AGPAT2: variants seen among roughly 807,000 people sequenced by gnomAD.
AGPAT2 encodes 1-acyl-sn-glycerol-3-phosphate acyltransferase beta.
Under a neutral mutation model 26.1 loss-of-function variants are expected in AGPAT2, and 18 were observed. The ratio of observed to expected loss-of-function variants is 0.69; its 90% CI spans 0.48 to 1.02. The LOEUF (loss-of-function observed/expected upper bound fraction) is 1.02, where lower values mean the gene tolerates loss of function less well. Ranked by LOEUF, AGPAT2 falls within the 50% of genes least tolerant of loss-of-function variation. AGPAT2 has a pLI of 0.00. For missense variants in AGPAT2, 415 were observed against 394.9 expected (o/e 1.05, Z -0.43); for synonymous variants, 200 against 174.2 (o/e 1.15, Z -1.16).
At chr9:136,677,642 G>C (rs1239490246) in intron 1 of AGPAT2, 86 bp from the exon 2 acceptor site, 4 of 1,530,508 alleles carry the variant, frequency 2.6e-6, no homozygotes, top group Non-Finnish European at 3.6e-6. Flanking sequence ...GGGTGTGGAG[G>C]AGGCTGGGGA....
At chr9:136,680,603 A>C (rs752807640) in intron 1 of AGPAT2, among the ~76,000 whole-genome samples, 1 of 152,208 alleles carries the variant, frequency 6.6e-6, no homozygotes, top group Non-Finnish European at 1.5e-5. Context: ...TGAGGGCCAC[A>C]TGGGGTCCCC....
At chr9:136,677,160 A>G in intron 2 of AGPAT2, 24 bp from the exon 3 acceptor site, 1 of 1,609,842 alleles carries the variant, frequency 6.2e-7, no homozygotes, top group Non-Finnish European at 8.5e-7. Context: ...AGACAGAGAC[A>G]GAGAGAGAGG....
At chr9:136,679,692 C>T (rs989052733) in intron 1 of AGPAT2, among the ~76,000 whole-genome samples, 9 of 152,228 alleles carry the variant, frequency 5.9e-5, no homozygotes, top group African/African-American at 1.9e-4. Flanking sequence ...TGTCGCCAAT[C>T]AAAGAAGCGC....
intron 1 of AGPAT2, among the ~76,000 whole-genome samples, chr9:136,677,776 A>C (rs1180921010): frequency 6.6e-6 from 1 of 152,162 alleles, no homozygotes; most frequent in East Asian, 1.9e-4. Flanking sequence ...CCCCAGCAAC[A>C]GAGGAAAACC....
intron 1 of AGPAT2, among the ~76,000 whole-genome samples, chr9:136,681,121 T>C (rs1047631379): frequency 2.0e-5 from 3 of 150,288 alleles, no homozygotes; most frequent in African/African-American, 7.4e-5. Flanking sequence ...TTTTTTTTAA[T>C]CTAAGCTGCT....
intron 4 of AGPAT2, 152 bp from the exon 5 acceptor site, chr9:136,674,959 C>T (rs566325171): frequency 6.1e-6 from 3 of 491,152 alleles, no homozygotes; most frequent in African/African-American, 2.0e-5. Context: ...CCCCTGGGAC[C>T]TGGGATATGT....
chr9:136,683,772 C>T (rs754792130), intron 1 of AGPAT2, among the ~76,000 whole-genome samples: 22 of 152,310 alleles, frequency 1.4e-4, no homozygotes, highest in Middle Eastern at 3.4e-3. Flanking sequence ...ACACCTGGAG[C>T]GCTCTGGAGG....
intron 2 of AGPAT2, 61 bp downstream of exon 2, chr9:136,677,362 A>G: frequency 5.0e-6 from 8 of 1,610,986 alleles, no homozygotes; most frequent in Non-Finnish European, 6.8e-6. Context: ...CCAGCCCCAC[A>G]CAGCCCCAGC....
intron 1 of AGPAT2, among the ~76,000 whole-genome samples, chr9:136,681,798 TCTCACAC>T (rs1476588028): frequency 3.9e-5 from 6 of 152,036 alleles, no homozygotes; most frequent in Non-Finnish European, 7.4e-5. Context: ...CAAGACTTCA[TCTCACAC>T]ACACAAAAAA....
intron 1 of AGPAT2, 142 bp from the exon 2 acceptor site, chr9:136,677,698 G>GGAGCCCCTGAAGCGGACA: frequency 9.7e-7 from 1 of 1,031,916 alleles, no homozygotes; most frequent in Non-Finnish European, 1.5e-6. Flanking sequence ...CACAGGGGAG[G>GGAGCCCCTGAAGCGGACA]GAGCCCCTGA....
rs767657638 is a variant in AGPAT2, at chr9:136,677,461, A to G, written c.278T>C (p.Val93Ala). The G allele has an allele frequency of 2.5e-6, 4 of 1,613,128 alleles. No homozygotes were observed. The highest frequency in any genetic ancestry group is 3.3e-4 in the Middle Eastern group (2 of 6,060). The change falls in exon 2 of 6, where the codon GTC (valine) becomes GCC (alanine). Residue 93 changes from valine (V) to alanine (A), a missense_variant. Transcript: ENST00000371696. ...PRRLQEARPC[V>A]IVSNHQSILD... ...GATGCTCTGGTGGTTGGAGACGATGACACAGGGACGGGCCTCCTGCAGCCT... is the reference window on the plus strand; with the variant it reads ...GATGCTCTGGTGGTTGGAGACGATGGCACAGGGACGGGCCTCCTGCAGCCT...
rs755844638 is a variant in AGPAT2, at chr9:136,687,139, C to T, written c.182+37G>A. ...AGTTAGGGAAGCGGAAGCGGCGCGG[C>T]GGTTCCCCGGCCCCTCCCGGCGGCC... On this transcript the variant is annotated intron_variant, in intron 1 of 5. Coordinates refer to ENST00000371696, the MANE Select transcript of AGPAT2 (RefSeq NM_006412.4). The T allele has an allele frequency of 1.1e-4, 178 of 1,559,132 alleles. 1 individual carries two copies. Among genetic ancestry groups the T allele is most frequent in the Middle Eastern group, 5.6e-4 (3 of 5,398 alleles).
At chr9:136,687,457 TGGGCG>T, upstream of AGPAT2, 7 of 1,053,612 alleles carry the variant, frequency 6.6e-6, no homozygotes, top group Non-Finnish European at 8.6e-6. Context: ...GCGGCGGGGC[TGGGCG>T]GGGCGGGGCG....
chr9:136,679,547 G>A (rs985717797), intron 1 of AGPAT2, among the ~76,000 whole-genome samples: 5 of 152,094 alleles, frequency 3.3e-5, no homozygotes, highest in African/African-American at 1.2e-4. Context: ...GGAACTGCAG[G>A]GCTGTTTTGC....
At chr9:136,680,993 G>A (rs775473562) in intron 1 of AGPAT2, among the ~76,000 whole-genome samples, 3 of 152,046 alleles carry the variant, frequency 2.0e-5, no homozygotes, top group African/African-American at 2.4e-5. Flanking sequence ...GGTATAACAC[G>A]CACCACCTAA....
chr9:136,685,841 T>C (rs1846214616), intron 1 of AGPAT2, among the ~76,000 whole-genome samples: 1 of 152,126 alleles, frequency 6.6e-6, no homozygotes, highest in South Asian at 2.1e-4. Context: ...GGTGAGGCCT[T>C]CACAGATTCC....
Position 136,687,423 on chromosome 9 carries a change from G to A in AGPAT2, c.-66C>T, listed in dbSNP as rs1329414240. ...GCTCCCGCTCCCGCTTCTCCCCCGC[G>A]CGCTCAGGCCCCTTATTGCGAGGGC... On this transcript the variant is annotated 5_prime_UTR_variant, in exon 1 of 6. Coordinates refer to ENST00000371696, the MANE Select transcript of AGPAT2 (RefSeq NM_006412.4). 2.3e-6 allele frequency: 3 copies of A among 1,332,504 alleles called. No individual in the cohort carries two copies. Among genetic ancestry groups the A allele is most frequent in the East Asian group, 3.1e-5 (1 of 31,996 alleles). 82.5% of individuals were successfully genotyped at this position (1,332,504 alleles called of 1,614,324 possible).
chr9:136,675,056 G>A lies in AGPAT2; in HGVS notation c.589-249C>T, dbSNP rs577474690. 1.1e-3 allele frequency among the ~76,000 whole-genome samples: 160 copies of A among 152,294 alleles called. 2 individuals carry two copies. Among genetic ancestry groups the A allele is most frequent in the African/African-American group, 2.7e-3 (113 of 41,570 alleles). ...CTAGGAAGCCCTCCTGAGCTAGCAC[G>A]TGTTTGCCTGGTTCACACCTGTCCC... On this transcript the variant is annotated intron_variant, in intron 4 of 5. Coordinates refer to ENST00000371696, the MANE Select transcript of AGPAT2 (RefSeq NM_006412.4).
chr9:136,676,137 A>C (rs1299795671), intron 4 of AGPAT2, among the ~76,000 whole-genome samples: 1 of 152,150 alleles, frequency 6.6e-6, no homozygotes, highest in Non-Finnish European at 1.5e-5. Flanking sequence ...CGCTGCTTAC[A>C]ATGAGCTCCA....
Sources: gnomAD v4.1 joint callset for allele counts (sites outside exome capture counted in the v4.1 genomes callset) on GRCh38, gnomAD v4.1.1 for gene constraint, MANE v1.5 for transcripts, NCBI Gene and HGNC (gene_info 2026-07-23, HGNC 2026-07-21) for gene names.